The following PKIB variants were observed in gnomAD, a reference collection of about 807,000 sequenced individuals.
PKIB encodes the protein cAMP-dependent protein kinase inhibitor beta.
PKIB carries 2 observed loss-of-function variants against 4.5 expected under a neutral mutation model. That is an observed-to-expected ratio of 0.44 (90% CI 0.18 to 1.39). PKIB has a LOEUF of 1.39. PKIB is among the 40% of genes most tolerant of loss of function. The pLI is 0.27. For synonymous variants in PKIB, 38 were observed against 36.0 expected (o/e 1.06, Z -0.20); for missense variants, 94 against 92.6 (o/e 1.02, Z -0.06).
At chr6:122,651,420 G>A (rs1353384185) in intron 2 of PKIB, among the ~76,000 whole-genome samples, 2 of 152,112 alleles carry the variant, frequency 1.3e-5, no homozygotes, top group African/African-American at 4.8e-5. Flanking sequence ...GATAAGTTCT[G>A]AGGAGAATCA....
intron 2 of PKIB, among the ~76,000 whole-genome samples, chr6:122,490,766 G>C (rs1201995702): frequency 6.6e-6 from 1 of 152,128 alleles, no homozygotes; most frequent in African/African-American, 2.4e-5. Flanking sequence ...AAATTCCTCA[G>C]TCTCAGCTAT....
chr6:122,635,984 A>G (rs1478367108), intron 2 of PKIB, among the ~76,000 whole-genome samples: 1 of 152,176 alleles, frequency 6.6e-6, no homozygotes, highest in African/African-American at 2.4e-5. Flanking sequence ...AAATGTTTTA[A>G]AAGACTAATA....
chr6:122,590,239 A>G (rs1322430487), intron 3 of PKIB, among the ~76,000 whole-genome samples: 1 of 152,156 alleles, frequency 6.6e-6, no homozygotes, highest in East Asian at 1.9e-4. Context: ...ATGAATAGCT[A>G]TTTTACATAA....
chr6:122,692,771 G>A (rs1778409178), intron 3 of PKIB, among the ~76,000 whole-genome samples: 1 of 152,322 alleles, frequency 6.6e-6, no homozygotes, highest in African/African-American at 2.4e-5. Context: ...GGGACAATAG[G>A]TAGAGGCTTC....
chr6:122,671,246 T>C (rs1777451495), intron 2 of PKIB, among the ~76,000 whole-genome samples: 1 of 150,844 alleles, frequency 6.6e-6, no homozygotes, highest in South Asian at 2.1e-4. Flanking sequence ...GAGCCAAAAT[T>C]GCGCCACTGC....
chr6:122,702,658 C>T (rs1009877780), intron 3 of PKIB, among the ~76,000 whole-genome samples: 1 of 151,948 alleles, frequency 6.6e-6, no homozygotes, highest in Admixed American at 6.6e-5. Context: ...CTCAGAACCC[C>T]AAATCACGAA....
chr6:122,599,987 A>G (rs1043039535), intron 3 of PKIB, among the ~76,000 whole-genome samples: 3 of 140,144 alleles, frequency 2.1e-5, no homozygotes, highest in Non-Finnish European at 4.4e-5. Context: ...ATCTATATCT[A>G]TATCTATATC....
At chr6:122,690,932 AT>A (rs1210629019) in intron 3 of PKIB, among the ~76,000 whole-genome samples, 5 of 138,776 alleles carry the variant, frequency 3.6e-5, no homozygotes, top group African/African-American at 1.3e-4. Flanking sequence ...ATATATATAT[AT>A]TTTTTTTTTT....
At chr6:122,684,481 G>A (rs756482513) in intron 3 of PKIB, among the ~76,000 whole-genome samples, 12 of 151,904 alleles carry the variant, frequency 7.9e-5, no homozygotes, top group Non-Finnish European at 1.8e-4. Flanking sequence ...CAGAGGCTGG[G>A]CCTTTTACCT....
rs1389777082 is a variant in PKIB at position 122,675,119 on chromosome 6, TAAC to T, written c.-29_-27del. ...GAATTTTTTAAACCTGTCTCAGAAA[TAAC>T]AACATATTTTAATCAGAGATTTGTA... On this transcript the variant is annotated 5_prime_UTR_variant, in exon 3 of 5. Transcript: ENST00000368452. 1 of 152,542 alleles carries T rather than the reference TAAC, an allele frequency of 6.6e-6. No homozygotes were observed. The highest frequency in any genetic ancestry group is 2.4e-5 in the African/African-American group (1 of 41,424). 9.4% of individuals were successfully genotyped at this position (152,542 alleles called of 1,614,324 possible).
At chr6:122,697,747 G>T (rs542159198) in intron 3 of PKIB, among the ~76,000 whole-genome samples, 1 of 152,094 alleles carries the variant, frequency 6.6e-6, no homozygotes, top group African/African-American at 2.4e-5. Context: ...CTATGGGAAG[G>T]CTGCATTTCA....
intron 3 of PKIB, among the ~76,000 whole-genome samples, chr6:122,682,093 A>G (rs373011203): frequency 1.5e-4 from 23 of 152,262 alleles, no homozygotes; most frequent in African/African-American, 5.1e-4. Flanking sequence ...TAGCCTTTCA[A>G]TATCTATGAA....
At chr6:122,634,118 A>G (rs895436330) in intron 2 of PKIB, among the ~76,000 whole-genome samples, 3 of 152,140 alleles carry the variant, frequency 2.0e-5, no homozygotes, top group African/African-American at 7.2e-5. Context: ...ACAGAAAACC[A>G]AACACTGCAT....
chr6:122,588,575 CAG>C (rs1410336697), intron 3 of PKIB, among the ~76,000 whole-genome samples: 1 of 152,160 alleles, frequency 6.6e-6, no homozygotes, highest in East Asian at 1.9e-4. Flanking sequence ...GGTACCAAAA[CAG>C]AGATGTAGAC....
chr6:122,539,276 G>A (rs1253164503), intron 2 of PKIB, among the ~76,000 whole-genome samples: 2 of 152,014 alleles, frequency 1.3e-5, no homozygotes, highest in African/African-American at 4.8e-5. Flanking sequence ...CAAAGGGAAT[G>A]CTTCCAGTTT....
intron 2 of PKIB, among the ~76,000 whole-genome samples, chr6:122,665,459 G>A (rs917812236): frequency 9.2e-5 from 14 of 152,244 alleles, no homozygotes; most frequent in African/African-American, 3.4e-4. Context: ...AGTTAGCAAA[G>A]AAATATTCTT....
intron 3 of PKIB, among the ~76,000 whole-genome samples, chr6:122,595,744 T>C (rs1252917682): frequency 1.3e-5 from 2 of 152,200 alleles, no homozygotes; most frequent in Non-Finnish European, 2.9e-5. Flanking sequence ...TGAGTGAAAG[T>C]CCATGTTGCT....
At chr6:122,716,108 T>G (rs368140989) in intron 3 of PKIB, among the ~76,000 whole-genome samples, 58 of 152,258 alleles carry the variant, frequency 3.8e-4, no homozygotes, top group African/African-American at 1.2e-3. Flanking sequence ...TTTGTTAGGA[T>G]TAAATGGGAT....
At chr6:122,672,456 T>C (rs981507787) in intron 2 of PKIB, among the ~76,000 whole-genome samples, 26 of 152,212 alleles carry the variant, frequency 1.7e-4, no homozygotes, top group Non-Finnish European at 3.1e-4. Context: ...CATACTTTGA[T>C]CTGTTCCCTT....
Sources: allele counts gnomAD v4.1 joint callset (sites outside exome capture counted in the v4.1 genomes callset), GRCh38; gene constraint gnomAD v4.1.1; transcripts MANE v1.5; gene names NCBI Gene and HGNC (gene_info 2026-07-23, HGNC 2026-07-21).